The following MYO1E variants were observed in gnomAD, a reference collection of about 807,000 sequenced individuals.
MYO1E encodes the protein unconventional myosin-Ie.
A neutral mutation model predicts 151.1 loss-of-function variants in MYO1E; 68 were observed. The ratio of observed to expected loss-of-function variants is 0.45; its 90% CI spans 0.37 to 0.55. The LOEUF (loss-of-function observed/expected upper bound fraction) is 0.55. Among genes scored for constraint, MYO1E ranks in the 20% least tolerant of loss-of-function variants. The probability of loss-of-function intolerance (pLI) is 0.00; values close to 1 mark genes in which losing one functional copy is unlikely to be tolerated. For missense variants in MYO1E, 1,363 were observed against 1,389.3 expected (o/e 0.98, Z 0.30); for synonymous variants, 601 against 501.7 (o/e 1.20, Z -2.64).
chr15:59,175,487 C>T (rs540936040), intron 19 of MYO1E, among the ~76,000 whole-genome samples: 1 of 152,254 alleles, frequency 6.6e-6, no homozygotes, highest in East Asian at 1.9e-4. Flanking sequence ...CTCACAGATC[C>T]ATCTGTGCAG....
chr15:59,298,457 A>G (rs1424207427), intron 1 of MYO1E, among the ~76,000 whole-genome samples: 1 of 152,216 alleles, frequency 6.6e-6, no homozygotes, highest in African/African-American at 2.4e-5. Context: ...ACTGAAAACC[A>G]GAACTATGAG....
chr15:59,208,035 G>A, intron 14 of MYO1E: 2 of 1,587,624 alleles, frequency 1.3e-6, no homozygotes, highest in African/African-American at 2.7e-5. Flanking sequence ...AGGCCCATCT[G>A]AAAAAAAGTG....
chr15:59,173,987 A>C, intron 20 of MYO1E, 72 bp from the exon 21 acceptor site: 9 of 1,552,718 alleles, frequency 5.8e-6, no homozygotes, highest in Non-Finnish European at 8.0e-6. Context: ...TACTGTGGAA[A>C]TATACAAAGA....
At chr15:59,349,716 A>C (rs1348663743) in intron 1 of MYO1E, among the ~76,000 whole-genome samples, 1 of 152,170 alleles carries the variant, frequency 6.6e-6, no homozygotes, top group Non-Finnish European at 1.5e-5. Flanking sequence ...TCCCCAAACT[A>C]GGAGATATGA....
chr15:59,234,258 A>G (rs1296560219), intron 5 of MYO1E, among the ~76,000 whole-genome samples: 2 of 151,672 alleles, frequency 1.3e-5, no homozygotes. Context: ...GCATGGATGG[A>G]TGGGTGCATG....
intron 1 of MYO1E, among the ~76,000 whole-genome samples, chr15:59,296,649 C>A (rs2080450003): frequency 6.6e-6 from 1 of 152,070 alleles, no homozygotes; most frequent in African/African-American, 2.4e-5. Context: ...GGGTGAGGGG[C>A]AGAGGGGATG....
intron 1 of MYO1E, among the ~76,000 whole-genome samples, chr15:59,346,514 T>G (rs1397043313): frequency 9.2e-5 from 14 of 152,182 alleles, no homozygotes; most frequent in Non-Finnish European, 1.8e-4. Context: ...TGACATGATA[T>G]CCATTAAATT....
intron 25 of MYO1E, among the ~76,000 whole-genome samples, chr15:59,155,367 T>C (rs1462783806): frequency 6.6e-6 from 1 of 152,256 alleles, no homozygotes; most frequent in Non-Finnish European, 1.5e-5. Flanking sequence ...TCATTTTTAT[T>C]GTAACATACA....
In MYO1E at chr15:59,284,965, T is replaced by C. The variant is rs376330476; in HGVS notation, c.4-12516A>G. Among the ~76,000 whole-genome samples the C allele has an allele frequency of 6.4e-4, 98 of 152,302 alleles. 1 individual carries two copies. The South Asian group carries it at 0.02, about 32-fold the overall frequency. On this transcript the variant is annotated intron_variant, in intron 1 of 27. Transcript: ENST00000288235. Reference sequence around the variant, plus strand: ...AAGTGACAAGAGAGTCACACTGATGTTAGTCCCTGTCTTTTCAGCTGTGGC... The same window carrying C: ...AAGTGACAAGAGAGTCACACTGATGCTAGTCCCTGTCTTTTCAGCTGTGGC...
intron 14 of MYO1E, chr15:59,207,363 G>A: frequency 1.2e-6 from 2 of 1,614,028 alleles, no homozygotes; most frequent in Non-Finnish European, 8.5e-7. Context: ...CCAACCTAGT[G>A]ATTATCACAG....
chr15:59,136,830 C>T lies in MYO1E; in HGVS notation c.*550G>A, dbSNP rs1802675. 5.1e-5 allele frequency: 23 copies of T among 452,658 alleles called. No individual in the cohort carries two copies. Among genetic ancestry groups the T allele is most frequent in the Non-Finnish European group, 7.6e-5 (17 of 224,432 alleles). The allele number at this position is 452,658 out of a possible 1,614,324, so 28.0% of individuals were successfully genotyped here. On this transcript the variant is annotated 3_prime_UTR_variant, in exon 28 of 28. Coordinates refer to ENST00000288235, the MANE Select transcript of MYO1E (RefSeq NM_004998.4). ...AAAGTGTAAACCAGTGCCCCTCTGT[C>T]GCCCTGGGCTCAGCAGGCCAGCTTA...
intron 1 of MYO1E, among the ~76,000 whole-genome samples, chr15:59,326,090 A>G (rs917027890): frequency 6.6e-6 from 1 of 152,148 alleles, no homozygotes; most frequent in Admixed American, 6.5e-5. Flanking sequence ...TCAAAGGTTC[A>G]GTTCCTCTTC....
chr15:59,151,451 A>C (rs28411156), intron 26 of MYO1E, among the ~76,000 whole-genome samples: 16 of 150,802 alleles, frequency 1.1e-4, no homozygotes, highest in African/African-American at 3.7e-4. Context: ...AACCCCCCCC[A>C]AAAAAACCAA....
chr15:59,346,340 C>T (rs1301244661), intron 1 of MYO1E, among the ~76,000 whole-genome samples: 1 of 152,070 alleles, frequency 6.6e-6, no homozygotes, highest in Admixed American at 6.5e-5. Context: ...AATGACGGCC[C>T]CATAGCCCAG....
chr15:59,273,915 T>C (rs2080303255), intron 1 of MYO1E, among the ~76,000 whole-genome samples: 1 of 151,800 alleles, frequency 6.6e-6, no homozygotes, highest in South Asian at 2.1e-4. Context: ...AAATTCTAAA[T>C]AAGGGTATCT....
intron 25 of MYO1E, among the ~76,000 whole-genome samples, chr15:59,156,371 G>C (rs1162955877): frequency 6.6e-6 from 1 of 152,154 alleles, no homozygotes; most frequent in Admixed American, 6.5e-5. Context: ...TTTTAGTAGA[G>C]ACAGGGTTTT....
At chr15:59,337,940 A>G (rs1219330225) in intron 1 of MYO1E, among the ~76,000 whole-genome samples, 2 of 152,190 alleles carry the variant, frequency 1.3e-5, no homozygotes, top group Non-Finnish European at 2.9e-5. Flanking sequence ...TCCTCCATAC[A>G]TTTCCCTGTC....
intron 2 of MYO1E, among the ~76,000 whole-genome samples, chr15:59,268,727 T>TTTTTTTTTTTATTTTTTATTTTTTTA: frequency 1.5e-5 from 2 of 132,790 alleles, no homozygotes; most frequent in African/African-American, 5.3e-5. Flanking sequence ...GGTATTTTTT[T>TTTTTTTTTTTATTTTTTATTTTTTTA]TTTTTTTTTT....
At chr15:59,262,140 G>A (rs552767698) in intron 2 of MYO1E, among the ~76,000 whole-genome samples, 1 of 152,154 alleles carries the variant, frequency 6.6e-6, no homozygotes, top group South Asian at 2.1e-4. Flanking sequence ...CCATGAGGCG[G>A]AGGTTGCAGT....
Sources: allele counts gnomAD v4.1 joint callset (sites outside exome capture counted in the v4.1 genomes callset), GRCh38; gene constraint gnomAD v4.1.1; transcripts MANE v1.5; gene names NCBI Gene and HGNC (gene_info 2026-07-23, HGNC 2026-07-21).